BMPER: variants seen among roughly 807,000 people sequenced by gnomAD.
BMPER encodes BMP binding endothelial regulator, also known as BMP-binding endothelial regulator protein.
Under a neutral mutation model 87.3 loss-of-function variants are expected in BMPER, and 45 were observed. The ratio of observed to expected loss-of-function variants is 0.52; its 90% CI spans 0.41 to 0.66. The LOEUF (loss-of-function observed/expected upper bound fraction) is 0.66. Among genes scored for constraint, BMPER ranks in the 30% least tolerant of loss-of-function variants. The pLI is 0.00. For missense variants in BMPER, 784 were observed against 867.5 expected, an observed-to-expected ratio of 0.90 and a Z score of 1.21; for synonymous variants, 326 against 316.2, an observed-to-expected ratio of 1.03 and a Z score of -0.33.
At chr7:34,094,359 G>T (rs893559448) in intron 13 of BMPER, among the ~76,000 whole-genome samples, 4 of 152,200 alleles carry the variant, frequency 2.6e-5, no homozygotes, top group Non-Finnish European at 5.9e-5. Flanking sequence ...GTGGGAATAG[G>T]GTAGTGTGAT....
intron 2 of BMPER, among the ~76,000 whole-genome samples, chr7:33,915,359 T>C (rs1014885848): frequency 4.6e-5 from 7 of 152,230 alleles, no homozygotes; most frequent in Non-Finnish European, 7.3e-5. Context: ...TTTGCTCTAT[T>C]AAACTGTTAA....
intron 6 of BMPER, among the ~76,000 whole-genome samples, chr7:34,034,278 A>C (rs1175522329): frequency 1.3e-5 from 2 of 152,208 alleles, no homozygotes; most frequent in African/African-American, 4.8e-5. Context: ...AATTTGTCAG[A>C]GAATATGCCT....
chr7:34,140,984 T>C (rs1790850818), intron 13 of BMPER, among the ~76,000 whole-genome samples: 1 of 152,056 alleles, frequency 6.6e-6, no homozygotes, highest in Admixed American at 6.5e-5. Flanking sequence ...GGAGAGAGGA[T>C]GGGGAACAAA....
chr7:34,071,813 A>G (rs1416913633), intron 11 of BMPER, among the ~76,000 whole-genome samples: 1 of 152,222 alleles, frequency 6.6e-6, no homozygotes, highest in Non-Finnish European at 1.5e-5. Flanking sequence ...TAAATAAGAG[A>G]ATCATATATT....
intron 6 of BMPER, among the ~76,000 whole-genome samples, chr7:33,990,095 G>T (rs1457222691): frequency 1.3e-5 from 2 of 151,370 alleles, no homozygotes; most frequent in South Asian, 2.1e-4. Context: ...ACTTGGCGAT[G>T]CAGGCTCTTT....
chr7:34,020,889 C>G (rs1787165787), intron 6 of BMPER, among the ~76,000 whole-genome samples: 1 of 151,316 alleles, frequency 6.6e-6, no homozygotes, highest in Admixed American at 6.6e-5. Context: ...CACACACACA[C>G]ACGCACGCAC....
intron 11 of BMPER, among the ~76,000 whole-genome samples, chr7:34,075,570 C>T (rs1294674560): frequency 6.6e-6 from 1 of 152,206 alleles, no homozygotes; most frequent in Non-Finnish European, 1.5e-5. Context: ...CAGTCATAAG[C>T]TGGCATCTTT....
chr7:34,117,507 A>G (rs1013009112), intron 13 of BMPER, among the ~76,000 whole-genome samples: 2 of 152,028 alleles, frequency 1.3e-5, no homozygotes, highest in Non-Finnish European at 2.9e-5. Context: ...GTTGATAATC[A>G]CTCTTGATAC....
At chr7:33,996,952 C>T (rs76862935) in intron 6 of BMPER, among the ~76,000 whole-genome samples, 2,019 of 152,252 alleles carry the variant, frequency 0.013, 53 homozygotes, top group African/African-American at 0.046. Context: ...AGTGCTCAAT[C>T]GCACATGTGG....
At chr7:34,123,422 G>A (rs1348872307) in intron 13 of BMPER, among the ~76,000 whole-genome samples, 7 of 152,156 alleles carry the variant, frequency 4.6e-5, no homozygotes, top group Admixed American at 1.3e-4. Flanking sequence ...TATTTCTTGG[G>A]CAGAACTGCA....
chr7:34,087,985 A>G (rs532570561), intron 13 of BMPER, among the ~76,000 whole-genome samples: 1 of 152,356 alleles, frequency 6.6e-6, no homozygotes, highest in African/African-American at 2.4e-5. Flanking sequence ...TGACTTGGGC[A>G]CTTATGAATA....
intron 3 of BMPER, among the ~76,000 whole-genome samples, chr7:33,942,011 G>A (rs1784780142): frequency 6.6e-6 from 1 of 152,050 alleles, no homozygotes. Context: ...ACCTAACATA[G>A]TGCAGTGGGT....
intron 2 of BMPER, among the ~76,000 whole-genome samples, chr7:33,924,991 A>G (rs1445796657): frequency 6.6e-6 from 1 of 152,138 alleles, no homozygotes; most frequent in African/African-American, 2.4e-5. Context: ...CACTGTCTCC[A>G]ACAGCCTCAC....
At chr7:33,997,231 A>G (rs542900476) in intron 6 of BMPER, among the ~76,000 whole-genome samples, 4 of 152,232 alleles carry the variant, frequency 2.6e-5, no homozygotes, top group East Asian at 3.9e-4. Context: ...GGCATCATCT[A>G]TTATTTTTCC....
chr7:34,020,795 A>G (rs956364111), intron 6 of BMPER, among the ~76,000 whole-genome samples: 7 of 151,778 alleles, frequency 4.6e-5, no homozygotes, highest in Non-Finnish European at 7.4e-5. Flanking sequence ...AGGGAAAGCA[A>G]TTATCAGCCT....
At chr7:33,922,000 C>G (rs1343224759) in intron 2 of BMPER, 1 of 375,576 alleles carries the variant, frequency 2.7e-6, no homozygotes, top group East Asian at 7.4e-5. Context: ...AGGTCCCTTC[C>G]TCGTGCAGAA....
intron 6 of BMPER, among the ~76,000 whole-genome samples, chr7:33,990,414 T>A (rs1786172291): frequency 7.2e-6 from 1 of 138,566 alleles, no homozygotes; most frequent in South Asian, 2.4e-4. Flanking sequence ...TGGCTCTCTG[T>A]TTGTCTGTTG....
intron 6 of BMPER, among the ~76,000 whole-genome samples, chr7:33,976,284 C>A (rs1234958090): frequency 1.3e-5 from 2 of 152,112 alleles, no homozygotes; most frequent in African/African-American, 4.8e-5. Context: ...TCCCAAGTAG[C>A]TGGGATTACA....
At position 34,055,415 on chromosome 7, in the gene BMPER, A is replaced by T. The variant is rs193234527; in HGVS notation, c.927+112A>T. 2.2e-4 allele frequency: 287 copies of T among 1,282,118 alleles called. 1 individual carries two copies. The East Asian group carries it at 5.2e-3, about 23-fold the overall frequency. The allele number at this position is 1,282,118 out of a possible 1,614,324, so 79.4% of individuals were successfully genotyped here. ...CCATAATTTCTATATACATATACAAATGTATATGTGTGCATATATTAATAG... is the reference window on the plus strand; with the variant it reads ...CCATAATTTCTATATACATATACAATTGTATATGTGTGCATATATTAATAG... On this transcript the variant is annotated intron_variant, in intron 9 of 14. Transcript: ENST00000649409.
Sources: gnomAD v4.1 joint callset for allele counts (sites outside exome capture counted in the v4.1 genomes callset) on GRCh38, gnomAD v4.1.1 for gene constraint, MANE v1.5 for transcripts, NCBI Gene and HGNC (gene_info 2026-07-23, HGNC 2026-07-21) for gene names.